The following PADI1 variants were observed in gnomAD, a reference collection of about 807,000 sequenced individuals.
PADI1 encodes peptidyl arginine deiminase 1.
PADI1 carries 65 observed loss-of-function variants against 74.8 expected under a neutral mutation model. The ratio of observed to expected loss-of-function variants is 0.87; its 90% CI spans 0.71 to 1.07. PADI1 has a LOEUF of 1.07. Ranked by LOEUF, PADI1 falls within the 50% of genes least tolerant of loss-of-function variation. The probability of loss-of-function intolerance (pLI) is 0.00; values close to 1 mark genes in which losing one functional copy is unlikely to be tolerated. For synonymous variants in PADI1, 371 were observed against 336.2 expected (o/e 1.10, Z -1.13); for missense variants, 943 against 854.0 (o/e 1.10, Z -1.30).
rs985934556 is a variant in PADI1, at chr1:17,225,828, C to T, written c.426C>T (p.Gly142=). Residue 142 remains glycine, a synonymous_variant, in exon 5 of 16, where the codon GGC becomes GGT. Coordinates refer to ENST00000375471, the MANE Select transcript of PADI1 (RefSeq NM_013358.3). ...TGCCACAGAAAACCTGGCGCTGGGG[C>T]CCTGAGGGCTATGGGGCTATCTTGC... ...SQGDKKTWRW[G]PEGYGAILLV... The T allele has an allele frequency of 3.1e-6, 5 of 1,613,960 alleles. No individual in the cohort carries two copies. The Admixed American group carries it at 5.0e-5, about 16-fold the overall frequency.
intron 7 of PADI1, 39 bp downstream of exon 7, chr1:17,228,836 G>T (rs1569813924): frequency 1.2e-6 from 2 of 1,608,936 alleles, no homozygotes; most frequent in East Asian, 4.5e-5. Context: ...GAGGCTGAGG[G>T]GTTTGGGGGC....
chr1:17,216,576 A>G (rs1197293203), intron 1 of PADI1, among the ~76,000 whole-genome samples: 2 of 152,042 alleles, frequency 1.3e-5, no homozygotes, highest in African/African-American at 2.4e-5. Context: ...GTGAAATTTA[A>G]AATGCTTGGT....
At chr1:17,232,783 C>A (rs1190697727) in intron 10 of PADI1, 36 bp from the exon 11 acceptor site, 2 of 1,588,776 alleles carry the variant, frequency 1.3e-6, no homozygotes, top group Non-Finnish European at 1.7e-6. Flanking sequence ...CTGACCTCTC[C>A]TTCTTGGGGT....
intron 15 of PADI1, among the ~76,000 whole-genome samples, chr1:17,243,683 T>C (rs2100538086): frequency 6.6e-6 from 1 of 152,392 alleles, no homozygotes; most frequent in South Asian, 2.1e-4. Context: ...TCTCTTGTTC[T>C]AACAAAGTTG....
rs147953559 is a variant in PADI1 at position 17,237,332 on chromosome 1, G to A, written c.1332G>A (p.Met444Ile). The A allele has an allele frequency of 2.7e-5, 44 of 1,611,226 alleles. No homozygotes were observed. The highest frequency in any genetic ancestry group is 3.7e-5 in the Non-Finnish European group (44 of 1,178,538). ...TGGCCAGGTCCGGTGGGCGGCAGAT[G>A]GCCAGGGCAGTGCGGAACTTCCTGA... ...SSFPKSGGRQ[M>I]ARAVRNFLKA... Residue 444 changes from methionine (M) to isoleucine (I), a missense_variant, in exon 12 of 16, where the codon ATG becomes ATA. Coordinates refer to ENST00000375471, the MANE Select transcript of PADI1 (RefSeq NM_013358.3).
intron 11 of PADI1, among the ~76,000 whole-genome samples, chr1:17,234,503 A>G (rs2100504605): frequency 6.6e-6 from 1 of 152,320 alleles, no homozygotes; most frequent in Non-Finnish European, 1.5e-5. Context: ...ACCAGCTACT[A>G]CCTACTACAT....
intron 1 of PADI1, among the ~76,000 whole-genome samples, chr1:17,215,397 T>G (rs2071949705): frequency 7.9e-6 from 1 of 126,728 alleles, no homozygotes; most frequent in South Asian, 2.1e-4. Flanking sequence ...ATCATCATCG[T>G]CATCATCATC....
chr1:17,223,832 C>G, intron 3 of PADI1, 139 bp downstream of exon 3: 1 of 694,382 alleles, frequency 1.4e-6, no homozygotes, highest in Non-Finnish European at 2.5e-6. Context: ...TCCTCGGGAC[C>G]TTCTGTCCAC....
At chr1:17,217,865 T>C (rs1017181124) in intron 1 of PADI1, among the ~76,000 whole-genome samples, 1 of 152,208 alleles carries the variant, frequency 6.6e-6, no homozygotes. Context: ...AGGTTAACAA[T>C]GTCAACTCAA....
chr1:17,208,868 C>G (rs1427050217), intron 1 of PADI1, among the ~76,000 whole-genome samples: 5 of 152,202 alleles, frequency 3.3e-5, no homozygotes, highest in Non-Finnish European at 2.9e-5. Context: ...AGGCTGGAGA[C>G]CATAAAGAAC....
At chr1:17,218,632 C>T (rs1188600072) in intron 1 of PADI1, among the ~76,000 whole-genome samples, 1 of 152,042 alleles carries the variant, frequency 6.6e-6, no homozygotes, top group East Asian at 1.9e-4. Flanking sequence ...GGAGGAAAGG[C>T]TGATTAGAGG....
intron 1 of PADI1, among the ~76,000 whole-genome samples, chr1:17,206,889 C>T (rs991926823): frequency 3.3e-5 from 5 of 152,042 alleles, no homozygotes; most frequent in African/African-American, 9.7e-5. Context: ...CCATGTTGGT[C>T]AGGCTGGTCT....
chr1:17,224,959 C>T (rs773910976), intron 4 of PADI1, among the ~76,000 whole-genome samples: 17 of 152,198 alleles, frequency 1.1e-4, no homozygotes, highest in Admixed American at 9.2e-4. Flanking sequence ...AGAGAGGCAG[C>T]CTGGATCACA....
At position 17,205,278 on chromosome 1, in the gene PADI1, G is replaced by A. The variant is rs776346118; in HGVS notation, c.61G>A (p.Val21Met). The A allele has an allele frequency of 6.2e-7, 1 of 1,614,076 alleles. No homozygotes were observed. The highest frequency in any genetic ancestry group is 1.7e-5 in the Admixed American group (1 of 60,024). ...LKMPTHAVCV[V>M]GVEAHVDIHS... ...GATGCCTACCCATGCCGTGTGTGTGGTGGGAGTCGAGGCACATGTGGACAT... is the reference window on the plus strand; with the variant it reads ...GATGCCTACCCATGCCGTGTGTGTGATGGGAGTCGAGGCACATGTGGACAT... The change falls in exon 1 of 16, where the codon GTG becomes ATG. Residue 21 changes from valine (V) to methionine (M), a missense_variant. Coordinates refer to ENST00000375471, the MANE Select transcript of PADI1 (RefSeq NM_013358.3).
rs137965139 is a variant in PADI1, at chr1:17,212,314, C to T, written c.92+7005C>T. 5.1e-3 allele frequency among the ~76,000 whole-genome samples: 784 copies of T among 152,338 alleles called. 2 individuals carry two copies. The highest frequency in any genetic ancestry group is 8.7e-3 in the Non-Finnish European group (591 of 68,022). ...GCCAGGCGTGCAGGGGAGCCACAGGCTCAGCCAGCAGTGCCTGCTCTTCAG... is the reference window on the plus strand; with the variant it reads ...GCCAGGCGTGCAGGGGAGCCACAGGTTCAGCCAGCAGTGCCTGCTCTTCAG... On this transcript the variant is annotated intron_variant, in intron 1 of 15. Transcript: ENST00000375471.
rs886683102 is a variant in PADI1, at chr1:17,244,631, G to A, written c.*388G>A. The A allele has an allele frequency of 6.6e-5, 24 of 363,912 alleles. No homozygotes were observed. Among genetic ancestry groups the A allele is most frequent in the Non-Finnish European group, 1.1e-4 (21 of 183,624 alleles). 22.5% of individuals were successfully genotyped at this position (363,912 alleles called of 1,614,324 possible). Reference sequence around the variant, plus strand: ...ATGACTTTGCATCTGCACCTGGAACGGGGCCTGGGGGACCTGGGGTCTGGT... The same window carrying A: ...ATGACTTTGCATCTGCACCTGGAACAGGGCCTGGGGGACCTGGGGTCTGGT... On this transcript the variant is annotated 3_prime_UTR_variant, in exon 16 of 16. Transcript: ENST00000375471.
intron 1 of PADI1, among the ~76,000 whole-genome samples, chr1:17,219,307 A>T (rs1420474758): frequency 6.6e-6 from 1 of 152,048 alleles, no homozygotes; most frequent in East Asian, 1.9e-4. Context: ...GAGGGACAGC[A>T]GTGGGGGGCG....
chr1:17,211,200 TTTTTTG>T (rs1553124285), intron 1 of PADI1, among the ~76,000 whole-genome samples: 6 of 151,334 alleles, frequency 4.0e-5, no homozygotes, highest in Non-Finnish European at 5.9e-5. Flanking sequence ...GCAGCCCTGG[TTTTTTG>T]TTTTTGTTTT....
chr1:17,240,565 C>A (rs769868033), intron 14 of PADI1, 70 bp from the exon 15 acceptor site: 9 of 1,563,444 alleles, frequency 5.8e-6, no homozygotes, highest in Non-Finnish European at 7.9e-6. Flanking sequence ...ACGGGCCCAG[C>A]GCACAGTAGG....
Sources: gnomAD v4.1 joint callset for allele counts (sites outside exome capture counted in the v4.1 genomes callset) on GRCh38, gnomAD v4.1.1 for gene constraint, MANE v1.5 for transcripts, NCBI Gene and HGNC (gene_info 2026-07-23, HGNC 2026-07-21) for gene names.